HCN2: variants seen among roughly 807,000 people sequenced by gnomAD.
The protein encoded by HCN2 is potassium/sodium hyperpolarization-activated cyclic nucleotide-gated channel 2.
In HCN2, 20 loss-of-function variants were observed where a neutral mutation model predicts 52.3. The ratio of observed to expected loss-of-function variants is 0.38; its 90% confidence interval spans 0.27 to 0.56. HCN2 has a LOEUF of 0.56. Among genes scored for constraint, HCN2 ranks in the 20% least tolerant of loss-of-function variants. HCN2 has a pLI of 0.71. For missense variants in HCN2, 981 were observed against 1,207.7 expected, an observed-to-expected ratio of 0.81 and a Z score of 2.78; for synonymous variants, 694 against 537.0, an observed-to-expected ratio of 1.29 and a Z score of -4.04.
At position 591,648 on chromosome 19, in the gene HCN2, G is replaced by A. The variant is rs1600513860; in HGVS notation, c.632+1071G>A. On this transcript the variant is annotated intron_variant, in intron 1 of 7. Transcript: ENST00000251287. This position sits in a 1 kb window ranked among gnomAD's most constrained non-coding sequence, Gnocchi z 4.1. ...TGGGGCCCGCCGGGCTAGCGAGGCC[G>A]GGCGCGCGGGACGGGCGCGGTTTCA... 6.6e-6 allele frequency among the ~76,000 whole-genome samples: 1 copy of A among 152,138 alleles called. No homozygotes were observed. Among genetic ancestry groups the A allele is most frequent in the African/African-American group, 2.4e-5 (1 of 41,518 alleles).
intron 3 of HCN2, among the ~76,000 whole-genome samples, chr19:606,809 C>T (rs956604317): frequency 6.7e-6 from 1 of 150,306 alleles, no homozygotes; most frequent in Non-Finnish European, 1.5e-5. Context: ...TGAGATCACA[C>T]CATTGCACTC....
At position 612,241 on chromosome 19, in the gene HCN2, G is replaced by A. The variant is rs537421340; in HGVS notation, c.1585-1007G>A. On this transcript the variant is annotated intron_variant, in intron 5 of 7. Coordinates refer to ENST00000251287, the MANE Select transcript of HCN2 (RefSeq NM_001194.4). Reference sequence around the variant, plus strand: ...ACGTGGTGTAACCACCACACAGAACGAAGCTGGAACGTTCCTGCCGTCCTT... The same window carrying A: ...ACGTGGTGTAACCACCACACAGAACAAAGCTGGAACGTTCCTGCCGTCCTT... Among the ~76,000 whole-genome samples, 115 of 152,238 alleles carry A rather than the reference G, an allele frequency of 7.6e-4. 1 individual carries two copies. The highest frequency in any genetic ancestry group is 3.5e-3 in the East Asian group (18 of 5,184).
chr19:609,252 C>CG lies in HCN2; in HGVS notation c.1438-1001dup, dbSNP rs771511087. ...GGGGCGGAAGTGAGGCTGGAGCTGC[C>CG]GGGGGGCACCGTCCTGGGGACAGCA... On this transcript the variant is annotated intron_variant, in intron 4 of 7. Transcript: ENST00000251287. Among the ~76,000 whole-genome samples, 8 of 152,164 alleles carry CG rather than the reference C, an allele frequency of 5.3e-5. 1 individual carries two copies. In the Middle Eastern group the frequency reaches 9.5e-3, roughly 181 times the overall value.
intron 1 of HCN2, among the ~76,000 whole-genome samples, chr19:601,169 C>T (rs1451439065): frequency 6.6e-6 from 1 of 152,154 alleles, no homozygotes; most frequent in Non-Finnish European, 1.5e-5. Flanking sequence ...AAAAATGAGC[C>T]AGGAGTGGTG....
At position 610,156 on chromosome 19, in the gene HCN2, C is replaced by T. The variant is rs935716426; in HGVS notation, c.1438-103C>T. On this transcript the variant is annotated intron_variant, in intron 4 of 7. Transcript: ENST00000251287. ...CCGTGTGCCCGCTGCAGGCTGGGGG[C>T]GGTGTCTGACCCAGCCTCGCCTCCC... The T allele has an allele frequency of 2.7e-4, 370 of 1,370,176 alleles. 1 individual carries two copies. The highest frequency in any genetic ancestry group is 4.6e-4 in the East Asian group (19 of 41,050). 84.9% of individuals were successfully genotyped at this position (1,370,176 alleles called of 1,614,324 possible). A position where few individuals can be genotyped will look rare whatever the true frequency, so the allele number is the denominator to read the frequency against.
chr19:614,061 GAGGGGCGTGGCCAAGGCATC>G lies in HCN2; in HGVS notation c.1990+49_1990+68del, dbSNP rs1983793054. 2.1e-6 allele frequency: 3 copies of G among 1,440,256 alleles called. No homozygotes were observed. The African/African-American group carries it at 4.5e-5, about 22-fold the overall frequency. The allele number at this position is 1,440,256 out of a possible 1,614,324, so 89.2% of individuals were successfully genotyped here. A position where few individuals can be genotyped will look rare whatever the true frequency, so the allele number is the denominator to read the frequency against. On this transcript the variant is annotated intron_variant, in intron 7 of 7. Transcript: ENST00000251287. ...GGCCGGGGCGGGTGCCCTGGCGGGG[GAGGGGCGTGGCCAAGGCATC>G]AGGAGAGTGGCTTGGACAGTGGCAG...
At chr19:595,809 T>C (rs1311856321) in intron 1 of HCN2, among the ~76,000 whole-genome samples, 5 of 152,124 alleles carry the variant, frequency 3.3e-5, no homozygotes, top group African/African-American at 1.2e-4. Flanking sequence ...CAGCTGAGAG[T>C]GCCGTCTCCT....
intron 1 of HCN2, among the ~76,000 whole-genome samples, chr19:599,209 G>A (rs756029847): frequency 6.6e-6 from 1 of 152,206 alleles, no homozygotes; most frequent in African/African-American, 2.4e-5. Context: ...CTTTTGGACC[G>A]TTTCCTCGGG....
At chr19:594,227 C>A (rs535900121) in intron 1 of HCN2, among the ~76,000 whole-genome samples, 2 of 151,948 alleles carry the variant, frequency 1.3e-5, no homozygotes, top group African/African-American at 4.8e-5. Flanking sequence ...CCGGTGTCAC[C>A]GAGGGGGCTG....
intron 1 of HCN2, among the ~76,000 whole-genome samples, chr19:602,381 T>C (rs1181646113): frequency 8.6e-6 from 1 of 116,130 alleles, no homozygotes; most frequent in African/African-American, 3.8e-5. Context: ...GACGCCCCAC[T>C]CCCTCCTCTC....
rs1303885567 is a variant in HCN2 at position 617,096 on chromosome 19, C to A, written c.*622C>A. Reference sequence around the variant, plus strand: ...CGAGGCAGCAGTGCCCCCACCGTGGCCCCCCACGCCCCATTAACCCCCACA... The same window carrying A: ...CGAGGCAGCAGTGCCCCCACCGTGGACCCCCACGCCCCATTAACCCCCACA... On this transcript the variant is annotated 3_prime_UTR_variant, in exon 8 of 8. Transcript: ENST00000251287. 1 of 485,480 alleles carries A rather than the reference C, an allele frequency of 2.1e-6. No individual in the cohort carries two copies. Among genetic ancestry groups the A allele is most frequent in the Non-Finnish European group, 3.7e-6 (1 of 266,866 alleles). The allele number at this position is 485,480 out of a possible 1,614,324, so 30.1% of individuals were successfully genotyped here.
intron 5 of HCN2, 38 bp downstream of exon 5, chr19:610,443 G>C: frequency 6.3e-7 from 1 of 1,589,604 alleles, no homozygotes; most frequent in Non-Finnish European, 8.6e-7. Flanking sequence ...GCAGCCTCCG[G>C]TACAGGGCCG....
At chr19:608,747 T>A (rs1405182317) in intron 4 of HCN2, among the ~76,000 whole-genome samples, 2 of 151,540 alleles carry the variant, frequency 1.3e-5, no homozygotes, top group Non-Finnish European at 2.9e-5. Context: ...AGGATGGGGC[T>A]GGGTTAGGGA....
intron 1 of HCN2, among the ~76,000 whole-genome samples, chr19:599,242 T>C: frequency 6.6e-6 from 1 of 152,242 alleles, no homozygotes; most frequent in East Asian, 1.9e-4. Context: ...AAGTGGAGCG[T>C]CTGGGTCACC....
chr19:599,759 G>T (rs1600521463), intron 1 of HCN2, among the ~76,000 whole-genome samples: 1 of 152,034 alleles, frequency 6.6e-6, no homozygotes, highest in South Asian at 2.1e-4. Flanking sequence ...TCGCACTCCA[G>T]CCTGGGCGAC....
At chr19:596,975 G>C (rs931969798) in intron 1 of HCN2, among the ~76,000 whole-genome samples, 1 of 152,184 alleles carries the variant, frequency 6.6e-6, no homozygotes, top group African/African-American at 2.4e-5. Flanking sequence ...CTCTGCCCCA[G>C]GCCTCGGTTT....
At chr19:602,415 T>C (rs112655804) in intron 1 of HCN2, among the ~76,000 whole-genome samples, 4,035 of 75,834 alleles carry the variant, frequency 0.053, 18 homozygotes, top group African/African-American at 0.11. Flanking sequence ...ACGCCCCACT[T>C]CCTCCTCTCT....
At chr19:601,228 G>A (rs950789612) in intron 1 of HCN2, among the ~76,000 whole-genome samples, 8 of 152,142 alleles carry the variant, frequency 5.3e-5, no homozygotes, top group African/African-American at 1.2e-4. Flanking sequence ...CAGGAGAATC[G>A]CTTGAACTTG....
In HCN2 at chr19:590,070, CGCCCCCCCCGG is replaced by C; in HGVS notation, c.131_141del (p.Pro44ArgfsTer21). ...CAGCCGCCGCCGCCGCCGCCGCCCG[CGCCCCCCCCGG>C]GCCCCGGGCCCGCGCCCCCCCAGCA... On this transcript the variant is annotated frameshift_variant, in exon 1 of 8. Transcript: ENST00000251287. LOFTEE classifies it high-confidence loss of function. This position sits in a 1 kb window ranked among gnomAD's most constrained non-coding sequence, Gnocchi z 7.2. 1 of 613,950 alleles carries C rather than the reference CGCCCCCCCCGG, an allele frequency of 1.6e-6. No individual in the cohort carries two copies. Among genetic ancestry groups the C allele is most frequent in the Non-Finnish European group, 2.0e-6 (1 of 499,220 alleles). The allele number at this position is 613,950 out of a possible 1,614,324, so 38.0% of individuals were successfully genotyped here.
Sources: allele counts gnomAD v4.1 joint callset (sites outside exome capture counted in the v4.1 genomes callset), GRCh38; gene constraint gnomAD v4.1.1; non-coding constraint Gnocchi (gnomAD v3.1); transcripts MANE v1.5; gene names NCBI Gene and HGNC (gene_info 2026-07-23, HGNC 2026-07-21).